Variants in CTNNA3 observed in about 807,000 individuals in gnomAD.
CTNNA3 encodes the protein catenin alpha 3, also known as catenin alpha-3.
In CTNNA3, 76 loss-of-function variants were observed where a neutral mutation model predicts 95.7. The ratio of observed to expected loss-of-function variants is 0.79; its 90% confidence interval spans 0.66 to 0.96. CTNNA3 has a LOEUF of 0.96. CTNNA3 is among the 40% of genes least tolerant of loss of function. CTNNA3 has a pLI of 0.00. For missense variants in CTNNA3, 1,191 were observed against 1,089.8 expected (o/e 1.09, Z -1.31); for synonymous variants, 431 against 374.4 (o/e 1.15, Z -1.74).
At chr10:67,196,615 T>A (rs957553740) in intron 6 of CTNNA3, among the ~76,000 whole-genome samples, 1 of 152,096 alleles carries the variant, frequency 6.6e-6, no homozygotes. Flanking sequence ...GGTAGTAACG[T>A]CTTCTCCTAG....
At chr10:66,555,518 C>T (rs1842363754) in intron 10 of CTNNA3, among the ~76,000 whole-genome samples, 1 of 152,074 alleles carries the variant, frequency 6.6e-6, no homozygotes, top group Non-Finnish European at 1.5e-5. Flanking sequence ...CGTATTTTAT[C>T]TGGTACCTCA....
At chr10:66,432,839 T>C (rs1052997551) in intron 11 of CTNNA3, among the ~76,000 whole-genome samples, 9 of 151,980 alleles carry the variant, frequency 5.9e-5, no homozygotes, top group Non-Finnish European at 1.3e-4. Flanking sequence ...TGATGTTCCT[T>C]TCCCTGTGCC....
rs761564190 is a variant in CTNNA3, at chr10:65,914,626, T to C, written c.*5704A>G. On this transcript the variant is annotated 3_prime_UTR_variant, in exon 18 of 18. Coordinates refer to ENST00000433211, the MANE Select transcript of CTNNA3 (RefSeq NM_013266.4). ...TTGGCCAACACTCTGCTGCAATCTA[T>C]AATTTTAAACACAGTCACATGTTAG... 1 of 152,170 alleles carries C rather than the reference T, an allele frequency of 6.6e-6. No homozygotes were observed. Among genetic ancestry groups the C allele is most frequent in the African/African-American group, 2.4e-5 (1 of 41,444 alleles). The allele number at this position is 152,170 out of a possible 1,614,324, so 9.4% of individuals were successfully genotyped here. A position where few individuals can be genotyped will look rare whatever the true frequency, so the allele number is the denominator to read the frequency against.
Position 66,569,656 on chromosome 10 carries a change from A to C in CTNNA3, c.1375-48883T>G, listed in dbSNP as rs967036365. Among the ~76,000 whole-genome samples, 15 of 152,146 alleles carry C rather than the reference A, an allele frequency of 9.9e-5. 1 individual carries two copies. Among genetic ancestry groups the C allele is most frequent in the African/African-American group, 3.4e-4 (14 of 41,440 alleles). ...GTGTTAGCATCCTGTTGGGTCCCAG[A>C]GAATGCACTTCTGGATATTAAACAT... On this transcript the variant is annotated intron_variant, in intron 10 of 17. Transcript: ENST00000433211.
At chr10:67,708,206 A>G (rs1841088356) in intron 1 of CTNNA3, among the ~76,000 whole-genome samples, 1 of 152,152 alleles carries the variant, frequency 6.6e-6, no homozygotes, top group Non-Finnish European at 1.5e-5. Flanking sequence ...TTGACAGCCC[A>G]TCTTGCTGTT....
intron 9 of CTNNA3, among the ~76,000 whole-genome samples, chr10:66,667,864 T>C (rs1210203297): frequency 1.3e-5 from 2 of 152,140 alleles, no homozygotes; most frequent in Non-Finnish European, 2.9e-5. Context: ...TTTGTTTTCA[T>C]GGGCATATGC....
intron 7 of CTNNA3, among the ~76,000 whole-genome samples, chr10:67,148,296 C>A (rs899828871): frequency 2.0e-5 from 3 of 152,150 alleles, no homozygotes; most frequent in African/African-American, 7.2e-5. Context: ...AAATATATTT[C>A]CTGAATAGCC....
intron 9 of CTNNA3, among the ~76,000 whole-genome samples, chr10:66,671,798 C>T (rs1315596328): frequency 6.6e-6 from 1 of 152,156 alleles, no homozygotes; most frequent in African/African-American, 2.4e-5. Context: ...TTCAGCCTCT[C>T]TATGCCTCAG....
At chr10:67,036,476 C>T (rs925383093) in intron 7 of CTNNA3, among the ~76,000 whole-genome samples, 5 of 151,998 alleles carry the variant, frequency 3.3e-5, no homozygotes, top group Non-Finnish European at 5.9e-5. Flanking sequence ...TCAGCCTGGC[C>T]AACATGGTGA....
chr10:66,141,119 C>T (rs2083594172), intron 13 of CTNNA3, among the ~76,000 whole-genome samples: 1 of 151,856 alleles, frequency 6.6e-6, no homozygotes, highest in Non-Finnish European at 1.5e-5. Flanking sequence ...ATTAGCCTGG[C>T]ATGGTGGTGC....
At chr10:66,068,065 T>C (rs576210340) in intron 15 of CTNNA3, among the ~76,000 whole-genome samples, 4 of 152,326 alleles carry the variant, frequency 2.6e-5, no homozygotes, top group South Asian at 2.1e-4. Flanking sequence ...ATAAGGCTTA[T>C]GTCATTAGAT....
chr10:67,233,884 C>T (rs1420470293), intron 5 of CTNNA3, among the ~76,000 whole-genome samples: 1 of 152,146 alleles, frequency 6.6e-6, no homozygotes, highest in Non-Finnish European at 1.5e-5. Flanking sequence ...CTACAAACAC[C>T]TCTACGCTAA....
intron 9 of CTNNA3, among the ~76,000 whole-genome samples, chr10:66,677,309 G>C (rs887866179): frequency 3.9e-5 from 6 of 152,046 alleles, no homozygotes; most frequent in Non-Finnish European, 7.4e-5. Context: ...TGAAGAATTA[G>C]CACTTTGTAA....
At chr10:66,488,189 A>G (rs1402406957) in intron 11 of CTNNA3, among the ~76,000 whole-genome samples, 2 of 152,240 alleles carry the variant, frequency 1.3e-5, no homozygotes, top group South Asian at 4.1e-4. Context: ...TTTTGATGCA[A>G]TTAGACCATA....
At chr10:65,966,067 G>A (rs1326524911) in intron 17 of CTNNA3, among the ~76,000 whole-genome samples, 1 of 152,028 alleles carries the variant, frequency 6.6e-6, no homozygotes. Flanking sequence ...ATTTATAGCA[G>A]CTTAAAACTC....
chr10:66,978,263 C>A (rs1589533248), intron 7 of CTNNA3, among the ~76,000 whole-genome samples: 1 of 151,906 alleles, frequency 6.6e-6, no homozygotes. Context: ...CACTGGCTCA[C>A]ACCTGTAATC....
At chr10:66,861,898 G>T (rs1046324732) in intron 7 of CTNNA3, among the ~76,000 whole-genome samples, 4 of 152,110 alleles carry the variant, frequency 2.6e-5, no homozygotes, top group African/African-American at 9.7e-5. Flanking sequence ...TATTAGAAGT[G>T]GTGTGGGTTA....
At chr10:66,547,343 C>CTT (rs1246714246) in intron 10 of CTNNA3, among the ~76,000 whole-genome samples, 5,969 of 83,014 alleles carry the variant, frequency 0.072, 1,250 homozygotes, top group South Asian at 0.11. Flanking sequence ...ATTTTTCTTT[C>CTT]TTTCTTTTTT....
chr10:67,635,755 A>G (rs543626309), intron 2 of CTNNA3, among the ~76,000 whole-genome samples: 4 of 152,208 alleles, frequency 2.6e-5, no homozygotes, highest in Admixed American at 6.5e-5. Context: ...GAAAACGCAC[A>G]AGACAAGGAT....
Sources: gnomAD v4.1 joint callset for allele counts (sites outside exome capture counted in the v4.1 genomes callset) on GRCh38, gnomAD v4.1.1 for gene constraint, MANE v1.5 for transcripts, NCBI Gene and HGNC (gene_info 2026-07-23, HGNC 2026-07-21) for gene names.